RP1: variants seen among roughly 807,000 people sequenced by gnomAD.
The protein encoded by RP1 is oxygen-regulated protein 1.
RP1 carries 16 observed loss-of-function variants against 14.8 expected under a neutral mutation model. The ratio of observed to expected loss-of-function variants is 1.08; its 90% CI spans 0.73 to 1.65. The LOEUF (loss-of-function observed/expected upper bound fraction) is 1.65, where lower values mean the gene tolerates loss of function less well. Among genes scored for constraint, RP1 ranks in the 40% most tolerant of loss-of-function variants. The pLI, the probability that RP1 is intolerant of heterozygous loss-of-function variation, is 0.00. For synonymous variants in RP1, 876 were observed against 883.6 expected (o/e 0.99, Z 0.15); for missense variants, 2,631 against 2,535.0 (o/e 1.04, Z -0.81).
downstream of RP1, among the ~76,000 whole-genome samples, chr8:54,632,591 C>T (rs1044571093): frequency 2.6e-5 from 4 of 152,140 alleles, no homozygotes; most frequent in Non-Finnish European, 4.4e-5. Flanking sequence ...TTTTTCTTTA[C>T]CTCTTACTAA....
intron 1 of RP1, among the ~76,000 whole-genome samples, chr8:54,560,064 AGAG>A (rs1343346866): frequency 6.6e-6 from 1 of 152,156 alleles, no homozygotes; most frequent in East Asian, 1.9e-4. Context: ...ATGTAGCTCG[AGAG>A]GAGAAGCTTC....
At chr8:54,706,644 T>C (rs999251308) in exon 15 of RP1, 8 of 1,535,944 alleles carry the variant, frequency 5.2e-6, no homozygotes, top group African/African-American at 1.4e-5. Flanking sequence ...GGATGGCCGA[T>C]GCGATGGAAC....
chr8:54,857,925 C>T (rs951964343), intron 27 of RP1, among the ~76,000 whole-genome samples: 3 of 152,170 alleles, frequency 2.0e-5, no homozygotes, highest in African/African-American at 4.8e-5. Flanking sequence ...AAATGTAACT[C>T]TATATTATAA....
At chr8:54,787,225 A>G (rs1222191732) in intron 24 of RP1, among the ~76,000 whole-genome samples, 2 of 152,122 alleles carry the variant, frequency 1.3e-5, no homozygotes, top group Non-Finnish European at 2.9e-5. Flanking sequence ...CATCCTCAGG[A>G]AAACAATCAA....
chr8:54,656,045 T>A (rs191703274), intron 5 of RP1: 1 of 1,423,860 alleles, frequency 7.0e-7, no homozygotes, highest in Non-Finnish European at 9.3e-7. Context: ...TGATAAAGCA[T>A]TCCTACATTT....
intron 16 of RP1, among the ~76,000 whole-genome samples, chr8:54,725,614 AGTT>A (rs1156928454): frequency 6.6e-6 from 1 of 152,216 alleles, no homozygotes; most frequent in Non-Finnish European, 1.5e-5. Flanking sequence ...ATTAAGAAGT[AGTT>A]GTTCTTACTC....
At chr8:54,812,648 A>C (rs748026604) in intron 24 of RP1, among the ~76,000 whole-genome samples, 2 of 152,162 alleles carry the variant, frequency 1.3e-5, no homozygotes. Context: ...GCACATGTTA[A>C]TTTTATCTTC....
At position 54,627,114 on chromosome 8, in the gene RP1, A is replaced by G; in HGVS notation, c.3232A>G (p.Thr1078Ala). 6.2e-7 allele frequency: 1 copy of G among 1,614,024 alleles called. No individual in the cohort carries two copies. Among genetic ancestry groups the G allele is most frequent in the Non-Finnish European group, 8.5e-7 (1 of 1,179,974 alleles). Residue 1078 changes from threonine to alanine, a missense_variant, in exon 4 of 4, where the codon ACT becomes GCT. Thr to Ala is a moderately conservative substitution (Grantham distance 58). Coordinates refer to ENST00000220676, the MANE Select transcript of RP1 (RefSeq NM_006269.2). ...AIQVDPIEEE[T>A]PKDLLPVLML... ...TCAAGTAGATCCTATAGAAGAGGAAACTCCAAAAGACCTCTTACCAGTCCT... is the reference window on the plus strand; with the variant it reads ...TCAAGTAGATCCTATAGAAGAGGAAGCTCCAAAAGACCTCTTACCAGTCCT...
At chr8:54,719,091 ACTTAC>A (rs1255535481) in intron 15 of RP1, among the ~76,000 whole-genome samples, 3 of 152,176 alleles carry the variant, frequency 2.0e-5, no homozygotes, top group African/African-American at 7.2e-5. Context: ...GCTTTTCTGT[ACTTAC>A]CTTCTGTATT....
intron 7 of RP1, among the ~76,000 whole-genome samples, chr8:54,672,801 C>A (rs912811155): frequency 1.6e-4 from 24 of 152,022 alleles, no homozygotes; most frequent in African/African-American, 5.8e-4. Context: ...CTCAACTTTC[C>A]TTGAGGACCC....
intron 12 of RP1, among the ~76,000 whole-genome samples, chr8:54,686,612 C>T (rs1807569384): frequency 6.6e-6 from 1 of 152,004 alleles, no homozygotes; most frequent in African/African-American, 2.4e-5. Context: ...GTACTAGAAA[C>T]AATACTGTAA....
At chr8:54,772,430 A>C (rs1809931510), downstream of RP1, among the ~76,000 whole-genome samples, 1 of 152,164 alleles carries the variant, frequency 6.6e-6, no homozygotes, top group African/African-American at 2.4e-5. Flanking sequence ...ATCTATGAAG[A>C]CCATATCATA....
chr8:54,623,934 A>G (rs1196270624), intron 3 of RP1, among the ~76,000 whole-genome samples: 3 of 152,352 alleles, frequency 2.0e-5, no homozygotes, highest in African/African-American at 7.2e-5. Flanking sequence ...GGTAAACAAA[A>G]CAACGAAATG....
intron 24 of RP1, among the ~76,000 whole-genome samples, chr8:54,814,623 T>G (rs553045483): frequency 4.6e-5 from 7 of 152,332 alleles, no homozygotes; most frequent in African/African-American, 1.7e-4. Flanking sequence ...TGCCCTATTA[T>G]GTTTTCAAAG....
At chr8:54,706,355 G>A (rs992016022) in intron 14 of RP1, 3 of 1,318,640 alleles carry the variant, frequency 2.3e-6, no homozygotes, top group African/African-American at 2.9e-5. Flanking sequence ...TATGGCTTCA[G>A]TAAGAGAATT....
At chr8:54,851,018 T>C (rs565000411) in intron 25 of RP1, among the ~76,000 whole-genome samples, 1 of 152,336 alleles carries the variant, frequency 6.6e-6, no homozygotes, top group East Asian at 1.9e-4. Flanking sequence ...ACATTTTCTT[T>C]CTTTGAATTA....
At chr8:54,847,840 C>T (rs115611585) in intron 25 of RP1, among the ~76,000 whole-genome samples, 1,945 of 152,246 alleles carry the variant, frequency 0.013, 47 homozygotes, top group African/African-American at 0.044. Context: ...CTAAGTAGCC[C>T]GCACTGTTCA....
intron 15 of RP1, among the ~76,000 whole-genome samples, chr8:54,713,694 G>A (rs1191520829): frequency 6.6e-6 from 1 of 152,186 alleles, no homozygotes; most frequent in Non-Finnish European, 1.5e-5. Context: ...TTTACACGGT[G>A]CTAGACCAGT....
At chr8:54,720,130 G>C in exon 16 of RP1, 1 of 1,531,626 alleles carries the variant, frequency 6.5e-7, no homozygotes, top group Non-Finnish European at 8.7e-7. Context: ...TGATTGTAGG[G>C]TACAGGAGAT....
Sources: allele counts gnomAD v4.1 joint callset (sites outside exome capture counted in the v4.1 genomes callset), GRCh38; gene constraint gnomAD v4.1.1; transcripts MANE v1.5; gene names NCBI Gene and HGNC (gene_info 2026-07-23, HGNC 2026-07-21).